Variants in LRP1B observed in about 807,000 individuals in gnomAD.
LRP1B encodes the protein LDL receptor related protein 1B, also known as low-density lipoprotein receptor-related protein 1B.
In LRP1B, 217 loss-of-function variants were observed where a neutral mutation model predicts 556.6. The ratio of observed to expected loss-of-function variants is 0.39; its 90% CI spans 0.35 to 0.44. The LOEUF (loss-of-function observed/expected upper bound fraction) is 0.44. Among genes scored for constraint, LRP1B ranks in the 20% least tolerant of loss-of-function variants. The probability of loss-of-function intolerance (pLI) is 1.00; values close to 1 mark genes in which losing one functional copy is unlikely to be tolerated. For missense variants in LRP1B, 5,053 were observed against 5,620.8 expected, an observed-to-expected ratio of 0.90 and a Z score of 3.23; for synonymous variants, 2,047 against 1,865.8, an observed-to-expected ratio of 1.10 and a Z score of -2.50.
At chr2:142,125,379 T>A (rs1347013733) in intron 1 of LRP1B, among the ~76,000 whole-genome samples, 1 of 151,744 alleles carries the variant, frequency 6.6e-6, no homozygotes, top group African/African-American at 2.4e-5. Flanking sequence ...GAGAGAGGAC[T>A]GAAGAGCCAG....
chr2:140,788,884 CCTT>C (rs1476474539), intron 32 of LRP1B, among the ~76,000 whole-genome samples: 1 of 152,124 alleles, frequency 6.6e-6, no homozygotes, highest in African/African-American at 2.4e-5. Context: ...GGAAAGATAT[CCTT>C]CTAAGAAAAA....
intron 1 of LRP1B, among the ~76,000 whole-genome samples, chr2:142,057,543 G>T (rs557426265): frequency 7.2e-5 from 11 of 152,240 alleles, no homozygotes; most frequent in South Asian, 2.1e-4. Context: ...CTGTTGATTG[G>T]CTTTAACTAA....
chr2:141,467,571 G>A (rs959740329), intron 3 of LRP1B, among the ~76,000 whole-genome samples: 7 of 152,020 alleles, frequency 4.6e-5, no homozygotes, highest in East Asian at 3.9e-4. Context: ...GCAGATAGAC[G>A]AACTGATGAC....
chr2:140,243,727 C>T (rs1219184847), intron 87 of LRP1B, among the ~76,000 whole-genome samples: 2 of 151,152 alleles, frequency 1.3e-5, no homozygotes, highest in Non-Finnish European at 1.5e-5. Context: ...CTTTGTACCA[C>T]TCTCCCCCTT....
chr2:140,637,067 T>C (rs1684094973), intron 41 of LRP1B, among the ~76,000 whole-genome samples: 1 of 152,224 alleles, frequency 6.6e-6, no homozygotes, highest in Non-Finnish European at 1.5e-5. Flanking sequence ...TGCTGCATTG[T>C]ATTTTTAATA....
chr2:140,314,275 G>A (rs115218761), intron 83 of LRP1B, among the ~76,000 whole-genome samples: 241 of 151,740 alleles, frequency 1.6e-3, no homozygotes, highest in Non-Finnish European at 2.8e-3. Context: ...TTATGCATTG[G>A]GGTTATTTTT....
In LRP1B at chr2:141,765,475, A is replaced by G. The variant is rs1412848647; in HGVS notation, c.205+44804T>C. On this transcript the variant is annotated intron_variant, in intron 2 of 90. Transcript: ENST00000389484. Reference sequence around the variant, plus strand: ...AGCTTAATTGAGGCCAGATTGCTCAATCTTGGCTTCCAAAGCACCTGGAAC... The same window carrying G: ...AGCTTAATTGAGGCCAGATTGCTCAGTCTTGGCTTCCAAAGCACCTGGAAC... Among the ~76,000 whole-genome samples the G allele has an allele frequency of 9.9e-5, 15 of 152,174 alleles. 1 individual carries two copies.
At chr2:141,895,549 A>G (rs1338613132) in intron 1 of LRP1B, among the ~76,000 whole-genome samples, 1 of 152,198 alleles carries the variant, frequency 6.6e-6, no homozygotes, top group Non-Finnish European at 1.5e-5. Flanking sequence ...AACATTAGTG[A>G]GGACTGGAGG....
chr2:140,502,704 A>G (rs1254907175), intron 54 of LRP1B, among the ~76,000 whole-genome samples: 2 of 151,982 alleles, frequency 1.3e-5, no homozygotes, highest in Non-Finnish European at 2.9e-5. Context: ...GATATAATGA[A>G]TTTTTGGCAG....
intron 11 of LRP1B, among the ~76,000 whole-genome samples, chr2:141,039,231 C>A (rs554576036): frequency 6.6e-6 from 1 of 152,046 alleles, no homozygotes; most frequent in African/African-American, 2.4e-5. Flanking sequence ...TGACAGACCA[C>A]AAGAAGAGTG....
At chr2:140,904,759 T>C (rs539899019) in intron 22 of LRP1B, among the ~76,000 whole-genome samples, 10 of 152,250 alleles carry the variant, frequency 6.6e-5, no homozygotes, top group African/African-American at 2.4e-4. Context: ...ACAGCAGTCA[T>C]TTCAAAGTAT....
At chr2:141,906,022 G>GTGTGTA (rs1183345569) in intron 1 of LRP1B, among the ~76,000 whole-genome samples, 1 of 146,988 alleles carries the variant, frequency 6.8e-6, no homozygotes, top group Non-Finnish European at 1.5e-5. Context: ...GTGTGTGTGT[G>GTGTGTA]TGTCTGTGTG....
At chr2:141,873,809 A>C (rs1257376082) in intron 1 of LRP1B, among the ~76,000 whole-genome samples, 2 of 151,784 alleles carry the variant, frequency 1.3e-5, no homozygotes, top group East Asian at 3.9e-4. Context: ...GTTAAAAAAA[A>C]AAAGATTTTC....
intron 2 of LRP1B, among the ~76,000 whole-genome samples, chr2:141,688,769 C>G (rs569633588): frequency 6.6e-6 from 1 of 151,902 alleles, no homozygotes; most frequent in Non-Finnish European, 1.5e-5. Flanking sequence ...GTCTATGTAT[C>G]AAAAACCGTT....
chr2:141,659,715 T>C (rs1690142592), intron 2 of LRP1B, among the ~76,000 whole-genome samples: 1 of 152,140 alleles, frequency 6.6e-6, no homozygotes, highest in African/African-American at 2.4e-5. Context: ...AGAGTCATTA[T>C]CATGCAGGTA....
At chr2:141,746,042 T>G (rs1001348865) in intron 2 of LRP1B, among the ~76,000 whole-genome samples, 5 of 152,032 alleles carry the variant, frequency 3.3e-5, no homozygotes, top group African/African-American at 1.2e-4. Flanking sequence ...CTCTTTACTC[T>G]TCTCCCTCCT....
At chr2:140,591,448 A>G (rs1337378505) in intron 43 of LRP1B, among the ~76,000 whole-genome samples, 2 of 152,266 alleles carry the variant, frequency 1.3e-5, no homozygotes, top group African/African-American at 4.8e-5. Context: ...CATGTGAGAC[A>G]GAATAGAAAG....
chr2:141,250,277 T>A (rs71417133), intron 4 of LRP1B, among the ~76,000 whole-genome samples: 32,668 of 152,090 alleles, frequency 0.21, 3,606 homozygotes, highest in South Asian at 0.25. Context: ...CCCTAGGTAG[T>A]CTCAGACTGG....
chr2:140,524,756 C>T (rs895301909), intron 49 of LRP1B, among the ~76,000 whole-genome samples: 3 of 151,536 alleles, frequency 2.0e-5, no homozygotes, highest in African/African-American at 7.3e-5. Flanking sequence ...GAGTACACAA[C>T]GAAGTAAATA....
Sources: gnomAD v4.1 joint callset for allele counts (sites outside exome capture counted in the v4.1 genomes callset) on GRCh38, gnomAD v4.1.1 for gene constraint, MANE v1.5 for transcripts, NCBI Gene and HGNC (gene_info 2026-07-23, HGNC 2026-07-21) for gene names.